The following SLC35F4 variants were observed in gnomAD, a reference collection of about 807,000 sequenced individuals.
SLC35F4 encodes the protein solute carrier family 35 member F4.
Under a neutral mutation model 44.2 loss-of-function variants are expected in SLC35F4, and 24 were observed. The observed-to-expected ratio is 0.54, with a 90% CI of 0.39 to 0.76. SLC35F4 has a LOEUF of 0.76. SLC35F4 is among the 30% of genes least tolerant of loss of function. The probability of loss-of-function intolerance (pLI) is 0.00; values close to 1 mark genes in which losing one functional copy is unlikely to be tolerated. For synonymous variants in SLC35F4, 238 were observed against 223.6 expected (o/e 1.06, Z -0.57); for missense variants, 562 against 586.1 (o/e 0.96, Z 0.42).
At chr14:57,897,968 C>T (rs973534245) in intron 1 of SLC35F4, among the ~76,000 whole-genome samples, 2 of 152,104 alleles carry the variant, frequency 1.3e-5, no homozygotes, top group African/African-American at 4.8e-5. Context: ...TACTGAAGTG[C>T]TAAGAAATTT....
At chr14:57,582,042 A>G (rs970508785) in intron 3 of SLC35F4, among the ~76,000 whole-genome samples, 1 of 152,236 alleles carries the variant, frequency 6.6e-6, no homozygotes, top group African/African-American at 2.4e-5. Context: ...GGTTGTACTT[A>G]TATACAAACA....
At chr14:57,806,453 C>T (rs1340594564) in intron 1 of SLC35F4, among the ~76,000 whole-genome samples, 1 of 152,086 alleles carries the variant, frequency 6.6e-6, no homozygotes, top group African/African-American at 2.4e-5. Flanking sequence ...AATCATGTCT[C>T]CAAATTTTAA....
At position 57,897,158 on chromosome 14, in the gene SLC35F4, G is replaced by A. The variant is rs142920991; in HGVS notation, n.282+84755C>T. Among the ~76,000 whole-genome samples, 91 of 152,232 alleles carry A rather than the reference G, an allele frequency of 6.0e-4. 1 individual carries two copies. Among genetic ancestry groups the A allele is most frequent in the Admixed American group, 3.1e-3 (48 of 15,292 alleles). On this transcript the variant is annotated intron_variant and non_coding_transcript_variant, in intron 1 of 1. Transcript: ENST00000556568. ...AGAAGCACTGAGATACTAAGTTGAC[G>A]TATGTACACTTTTACTCTCTTTCTG...
intron 1 of SLC35F4, among the ~76,000 whole-genome samples, chr14:57,622,674 T>A (rs967548920): frequency 2.0e-5 from 3 of 151,304 alleles, no homozygotes; most frequent in Non-Finnish European, 4.4e-5. Context: ...TGTTGTGGGG[T>A]TGGGGGAGTG....
At chr14:57,910,204 T>C (rs1566927392) in intron 1 of SLC35F4, among the ~76,000 whole-genome samples, 1 of 152,128 alleles carries the variant, frequency 6.6e-6, no homozygotes, top group South Asian at 2.1e-4. Flanking sequence ...ATATCAGTCC[T>C]GTATCGGATG....
At chr14:57,804,677 A>G (rs1350030840) in intron 1 of SLC35F4, among the ~76,000 whole-genome samples, 1 of 152,224 alleles carries the variant, frequency 6.6e-6, no homozygotes, top group Non-Finnish European at 1.5e-5. Flanking sequence ...CTGGAAGATA[A>G]TCCAGGCAAT....
chr14:57,872,149 A>G (rs974986096), intron 1 of SLC35F4, among the ~76,000 whole-genome samples: 11 of 152,232 alleles, frequency 7.2e-5, no homozygotes, highest in Non-Finnish European at 1.2e-4. Flanking sequence ...CCACATCTTG[A>G]ATGAGTACTA....
chr14:57,899,130 C>T (rs553980358), intron 1 of SLC35F4, among the ~76,000 whole-genome samples: 1 of 152,316 alleles, frequency 6.6e-6, no homozygotes, highest in East Asian at 1.9e-4. Context: ...CTCGCATTTG[C>T]TAACTCTGAG....
At chr14:57,598,887 GTGTA>G (rs899148620) in intron 1 of SLC35F4, among the ~76,000 whole-genome samples, 7 of 81,144 alleles carry the variant, frequency 8.6e-5, no homozygotes, top group African/African-American at 2.2e-4. Flanking sequence ...GAATGTGTGT[GTGTA>G]TGTGTGTGTG....
chr14:57,881,400 A>AT (rs1156238314), intron 1 of SLC35F4, among the ~76,000 whole-genome samples: 2 of 152,178 alleles, frequency 1.3e-5, no homozygotes, highest in African/African-American at 4.8e-5. Flanking sequence ...CAACATATAT[A>AT]TTTTAAATAA....
chr14:57,863,508 T>C (rs1407833983), intron 1 of SLC35F4, among the ~76,000 whole-genome samples: 1 of 152,240 alleles, frequency 6.6e-6, no homozygotes, highest in Non-Finnish European at 1.5e-5. Flanking sequence ...CTTTCACATA[T>C]TATATATTCA....
At chr14:57,784,839 TC>T (rs1388739118) in intron 1 of SLC35F4, among the ~76,000 whole-genome samples, 14 of 152,202 alleles carry the variant, frequency 9.2e-5, no homozygotes, top group Non-Finnish European at 1.5e-4. Flanking sequence ...CTCCTTGTCC[TC>T]TTCCTCCTCA....
At chr14:57,865,641 C>G (rs909130096) in intron 1 of SLC35F4, 82 bp downstream of exon 1, 5 of 1,207,496 alleles carry the variant, frequency 4.1e-6, no homozygotes, top group South Asian at 3.0e-5. Context: ...TACCGCGCGC[C>G]CGCCCGTCCG....
chr14:57,976,874 G>C (rs1167935458), exon 2 of SLC35F4: 2 of 152,194 alleles, frequency 1.3e-5, no homozygotes, highest in Non-Finnish European at 2.9e-5. Context: ...TCTCACAGTA[G>C]AGTCTGCAGA....
intron 1 of SLC35F4, among the ~76,000 whole-genome samples, chr14:57,873,851 A>T (rs1888342607): frequency 6.6e-6 from 1 of 152,108 alleles, no homozygotes; most frequent in Admixed American, 6.5e-5. Context: ...CCTGCACACC[A>T]TCTTTTTAGC....
At chr14:57,603,112 A>T (rs1158056845) in intron 1 of SLC35F4, among the ~76,000 whole-genome samples, 1 of 152,172 alleles carries the variant, frequency 6.6e-6, no homozygotes, top group African/African-American at 2.4e-5. Flanking sequence ...TCTGAAATGG[A>T]TTTTGAAGTA....
At chr14:57,645,729 C>T (rs561998530) in intron 1 of SLC35F4, among the ~76,000 whole-genome samples, 2 of 148,826 alleles carry the variant, frequency 1.3e-5, no homozygotes, top group African/African-American at 5.1e-5. Flanking sequence ...TTCCAGTTTT[C>T]ATCCATTCAG....
At chr14:57,944,723 GA>G (rs765388631) in intron 1 of SLC35F4, among the ~76,000 whole-genome samples, 2 of 123,112 alleles carry the variant, frequency 1.6e-5, no homozygotes, top group Admixed American at 1.6e-4. Flanking sequence ...AAGAAAGAAA[GA>G]AAGAAAGAAA....
chr14:57,982,919 T>C (rs1189546150), upstream of SLC35F4, among the ~76,000 whole-genome samples: 2 of 152,106 alleles, frequency 1.3e-5, no homozygotes, highest in South Asian at 2.1e-4. Context: ...TCTCTCCATT[T>C]ATGGGAAATA....
Sources: gnomAD v4.1 joint callset for allele counts (sites outside exome capture counted in the v4.1 genomes callset) on GRCh38, gnomAD v4.1.1 for gene constraint, MANE v1.5 for transcripts, NCBI Gene and HGNC (gene_info 2026-07-23, HGNC 2026-07-21) for gene names.